PCDHGA6: variants seen among roughly 807,000 people sequenced by gnomAD.
PCDHGA6 encodes protocadherin gamma-A6.
Under a neutral mutation model 60.6 loss-of-function variants are expected in PCDHGA6, and 41 were observed. The ratio of observed to expected loss-of-function variants is 0.68; its 90% CI spans 0.53 to 0.88. The LOEUF (loss-of-function observed/expected upper bound fraction) is 0.88, where lower values mean the gene tolerates loss of function less well. Ranked by LOEUF, PCDHGA6 falls within the 40% of genes least tolerant of loss-of-function variation. PCDHGA6 has a pLI of 0.00. For synonymous variants in PCDHGA6, 594 were observed against 524.4 expected (o/e 1.13, Z -1.81); for missense variants, 1,312 against 1,203.0 (o/e 1.09, Z -1.34).
chr5:141,422,655 C>T (rs188587553), intron 1 of PCDHGA6: 2 of 1,610,120 alleles, frequency 1.2e-6, no homozygotes, highest in Admixed American at 3.3e-5. Flanking sequence ...TCTCAGTGAC[C>T]GCCCTCGACC....
chr5:141,484,123 T>C (rs2099592351), intron 1 of PCDHGA6, among the ~76,000 whole-genome samples: 1 of 152,174 alleles, frequency 6.6e-6, no homozygotes, highest in South Asian at 2.1e-4. Flanking sequence ...AAGAATACCT[T>C]GGTGTCAGAT....
At chr5:141,430,586 C>G in intron 1 of PCDHGA6, 1 of 517,248 alleles carries the variant, frequency 1.9e-6, no homozygotes, top group Non-Finnish European at 3.1e-6. Context: ...TCCTGCTCGC[C>G]TTGCACGCGC....
chr5:141,492,332 G>A (rs2099739439), intron 1 of PCDHGA6, among the ~76,000 whole-genome samples: 1 of 152,204 alleles, frequency 6.6e-6, no homozygotes. Flanking sequence ...GGGCTTACGC[G>A]AATACCAGCT....
Position 141,485,064 on chromosome 5 carries a change from G to C in PCDHGA6, c.2425-9743G>C, listed in dbSNP as rs1205637757. On this transcript the variant is annotated intron_variant, in intron 1 of 3. Transcript: ENST00000517434. The surrounding 1 kb of genome is among the most constrained non-coding windows in gnomAD (Gnocchi z 5.7). ...TTGCGGCGCCGGCCGAACCGCGCCA[G>C]AGCTGGCGCGGGGAAAGGGAGATAG... The C allele has an allele frequency of 4.9e-5, 43 of 882,320 alleles. No individual in the cohort carries two copies. The highest frequency in any genetic ancestry group is 7.4e-5 in the Non-Finnish European group (41 of 557,230). 54.7% of individuals were successfully genotyped at this position (882,320 alleles called of 1,614,324 possible).
intron 1 of PCDHGA6, chr5:141,403,667 GC>G: frequency 6.2e-7 from 1 of 1,613,910 alleles, no homozygotes; most frequent in Non-Finnish European, 8.5e-7. Context: ...AAATGATAAT[GC>G]CCCGGTTTTT....
chr5:141,404,289 A>G (rs552765425), intron 1 of PCDHGA6: 15 of 1,614,006 alleles, frequency 9.3e-6, no homozygotes, highest in East Asian at 4.5e-5. Flanking sequence ...ACTGACATCA[A>G]TGATAATCCA....
At chr5:141,423,557 G>C in intron 1 of PCDHGA6, 2 of 1,613,654 alleles carry the variant, frequency 1.2e-6, no homozygotes, top group Non-Finnish European at 1.7e-6. Context: ...CCCAACTATG[G>C]GGACACGCTC....
chr5:141,400,590 T>A, intron 1 of PCDHGA6: 3 of 1,604,846 alleles, frequency 1.9e-6, no homozygotes, highest in Non-Finnish European at 2.6e-6. Context: ...CATGAAACTA[T>A]CGTACATTTT....
At position 141,491,116 on chromosome 5, in the gene PCDHGA6, GGT is replaced by G. The variant is rs2099708409; in HGVS notation, c.2425-3689_2425-3688del. The G allele has an allele frequency of 1.2e-6, 2 of 1,614,178 alleles. No individual in the cohort carries two copies. Among genetic ancestry groups the G allele is most frequent in the Non-Finnish European group, 1.7e-6 (2 of 1,180,024 alleles). On this transcript the variant is annotated intron_variant, in intron 1 of 3. Transcript: ENST00000517434. This position sits in a 1 kb window ranked among gnomAD's most constrained non-coding sequence, Gnocchi z 6.9. Reference sequence around the variant, plus strand: ...ACTGTTCCTCGTGTCTACACACACTGGTGAGGTGCGCACAGCCCGGGCCTTAC... The same window carrying G: ...ACTGTTCCTCGTGTCTACACACACTGGAGGTGCGCACAGCCCGGGCCTTAC...
At chr5:141,480,722 C>T (rs1002559431) in intron 1 of PCDHGA6, among the ~76,000 whole-genome samples, 1 of 152,174 alleles carries the variant, frequency 6.6e-6, no homozygotes, top group African/African-American at 2.4e-5. Flanking sequence ...AAAGCACAGT[C>T]TCTGGGGGTG....
intron 1 of PCDHGA6, chr5:141,412,602 T>G (rs1239898248): frequency 6.6e-6 from 1 of 152,188 alleles, no homozygotes; most frequent in African/African-American, 2.4e-5. Flanking sequence ...CTAAATAAAA[T>G]TGGCCTATTC....
At chr5:141,409,936 A>G in intron 1 of PCDHGA6, 2 of 1,613,064 alleles carry the variant, frequency 1.2e-6, no homozygotes, top group Non-Finnish European at 1.7e-6. Context: ...TCGATATGGT[A>G]CCTCGCTCTG....
intron 1 of PCDHGA6, chr5:141,409,600 G>T (rs778681839): frequency 6.8e-6 from 11 of 1,613,882 alleles, no homozygotes; most frequent in Admixed American, 1.7e-5. Flanking sequence ...AGAACAACCC[G>T]CCAGGAGCCT....
intron 1 of PCDHGA6, chr5:141,478,623 G>GT (rs1337268572): frequency 1.3e-5 from 20 of 1,554,356 alleles, no homozygotes; most frequent in Admixed American, 3.9e-5. Flanking sequence ...GAATGGAGCT[G>GT]TTTTTTTAGT....
At position 141,486,827 on chromosome 5, in the gene PCDHGA6, C is replaced by G. The variant is rs758132181; in HGVS notation, c.2425-7980C>G. 1.2e-6 allele frequency: 2 copies of G among 1,614,228 alleles called. No homozygotes were observed. Among genetic ancestry groups the G allele is most frequent in the Admixed American group, 1.7e-5 (1 of 60,034 alleles). On this transcript the variant is annotated intron_variant, in intron 1 of 3. Transcript: ENST00000517434. This position sits in a 1 kb window ranked among gnomAD's most constrained non-coding sequence, Gnocchi z 5.0. ...ACCCCTTAGCAGCACTGTAACAGTTCGTCTATTTGTGCTGGACCTCAATGA... is the reference window on the plus strand; with the variant it reads ...ACCCCTTAGCAGCACTGTAACAGTTGGTCTATTTGTGCTGGACCTCAATGA...
At chr5:141,467,932 TA>T (rs1391978978) in intron 1 of PCDHGA6, among the ~76,000 whole-genome samples, 4 of 152,186 alleles carry the variant, frequency 2.6e-5, no homozygotes, top group Non-Finnish European at 4.4e-5. Flanking sequence ...ATGCTAGGAT[TA>T]CAAGCATGAG....
At position 141,487,534 on chromosome 5, in the gene PCDHGA6, G is replaced by T; in HGVS notation, c.2425-7273G>T. The T allele has an allele frequency of 6.2e-7, 1 of 1,614,174 alleles. No homozygotes were observed. The highest frequency in any genetic ancestry group is 8.5e-7 in the Non-Finnish European group (1 of 1,180,034). ...CCACTCGGAGTGATAGCTTCATGAT[G>T]GTGAAGTCACCCAGTGCACCTATGG... On this transcript the variant is annotated intron_variant, in intron 1 of 3. Coordinates refer to ENST00000517434, the MANE Select transcript of PCDHGA6 (RefSeq NM_018919.3). This position sits in a 1 kb window ranked among gnomAD's most constrained non-coding sequence, Gnocchi z 5.0.
chr5:141,427,287 A>G (rs1030754713), intron 1 of PCDHGA6: 2 of 456,716 alleles, frequency 4.4e-6, no homozygotes, highest in African/African-American at 4.0e-5. Flanking sequence ...TATACTAGAA[A>G]TCCTAGATGA....
rs1389786201 is a variant in PCDHGA6, at chr5:141,486,949, G to A, written c.2425-7858G>A. 4 of 1,614,224 alleles carry A rather than the reference G, an allele frequency of 2.5e-6. No individual in the cohort carries two copies. Among genetic ancestry groups the A allele is most frequent in the African/African-American group, 2.7e-5 (2 of 75,064 alleles). ...TTGGTGCTGGCCACCTAATCACAAA[G>A]GTGACTGCTGTGGACTTGGATTCAG... On this transcript the variant is annotated intron_variant, in intron 1 of 3. Coordinates refer to ENST00000517434, the MANE Select transcript of PCDHGA6 (RefSeq NM_018919.3). The surrounding 1 kb of genome is among the most constrained non-coding windows in gnomAD (Gnocchi z 5.0).
Sources: allele counts gnomAD v4.1 joint callset (sites outside exome capture counted in the v4.1 genomes callset), GRCh38; gene constraint gnomAD v4.1.1; non-coding constraint Gnocchi (gnomAD v3.1); transcripts MANE v1.5; gene names NCBI Gene and HGNC (gene_info 2026-07-23, HGNC 2026-07-21).